The following CEP128 variants were observed in gnomAD, a reference collection of about 807,000 sequenced individuals.
CEP128 encodes the protein centrosomal protein 128kDa.
CEP128 carries 132 observed loss-of-function variants against 156.7 expected under a neutral mutation model. The observed-to-expected ratio is 0.84, with a 90% CI of 0.73 to 0.97. The LOEUF is 0.97. Ranked by LOEUF, CEP128 falls within the 50% of genes least tolerant of loss-of-function variation. The pLI, the probability that CEP128 is intolerant of heterozygous loss-of-function variation, is 0.00. For missense variants in CEP128, 1,252 were observed against 1,281.9 expected (o/e 0.98, Z 0.36); for synonymous variants, 469 against 448.9 (o/e 1.04, Z -0.57).
In CEP128 at chr14:80,793,278, C is replaced by A. The variant is rs572261124; in HGVS notation, c.1210-168G>T. Among the ~76,000 whole-genome samples the A allele has an allele frequency of 1.1e-4, 17 of 152,264 alleles. No homozygotes were observed. In the South Asian group the frequency reaches 3.3e-3, roughly 30 times the overall value. ...GAGTCTTTTTCTTTGTATTTTATAA[C>A]CACATTAGTTGGGAATAATTTTTTA... On this transcript the variant is annotated intron_variant, in intron 13 of 24. Coordinates refer to ENST00000555265, the MANE Select transcript of CEP128 (RefSeq NM_152446.5).
chr14:80,766,700 A>G (rs1176019671), intron 16 of CEP128, among the ~76,000 whole-genome samples: 1 of 152,172 alleles, frequency 6.6e-6, no homozygotes, highest in Non-Finnish European at 1.5e-5. Context: ...ATGACTAAAT[A>G]AATCATTAAT....
intron 2 of CEP128, among the ~76,000 whole-genome samples, chr14:80,925,867 C>T (rs897670473): frequency 2.6e-5 from 4 of 152,106 alleles, no homozygotes; most frequent in African/African-American, 9.7e-5. Flanking sequence ...ACTGGGGAGC[C>T]GAGCAATCCA....
At chr14:80,793,162 T>C in intron 13 of CEP128, 52 bp from the exon 14 acceptor site, 1 of 1,389,294 alleles carries the variant, frequency 7.2e-7, no homozygotes, top group East Asian at 2.3e-5. Context: ...CAAAATTGGA[T>C]GTGTAGCATA....
chr14:80,575,439 C>T (rs1891315164), intron 20 of CEP128, among the ~76,000 whole-genome samples: 1 of 151,946 alleles, frequency 6.6e-6, no homozygotes, highest in Non-Finnish European at 1.5e-5. Flanking sequence ...TGGCCAAAGA[C>T]ATAATACTAC....
chr14:80,677,508 C>A (rs1278491160), intron 19 of CEP128, among the ~76,000 whole-genome samples: 108 of 93,994 alleles, frequency 1.1e-3, no homozygotes, highest in East Asian at 1.8e-3. Flanking sequence ...GACTCCGTCT[C>A]AAAAAAAAAA....
intron 21 of CEP128, among the ~76,000 whole-genome samples, chr14:80,558,024 T>C (rs8009045): frequency 0.57 from 86,278 of 151,840 alleles, 24,872 homozygotes; most frequent in East Asian, 0.72. Flanking sequence ...CTGTTTATGG[T>C]TGCATAGTAT....
At chr14:80,618,563 T>C (rs954668855) in intron 19 of CEP128, among the ~76,000 whole-genome samples, 2 of 152,214 alleles carry the variant, frequency 1.3e-5, no homozygotes, top group Non-Finnish European at 2.9e-5. Context: ...AAACAAGTTA[T>C]TGCTGCAGTA....
chr14:80,515,310 T>C (rs1030172739), intron 23 of CEP128, among the ~76,000 whole-genome samples: 12 of 152,102 alleles, frequency 7.9e-5, no homozygotes, highest in African/African-American at 2.7e-4. Flanking sequence ...CCAGGGCAGA[T>C]CCAGAAATGC....
chr14:80,678,413 CTTGT>C (rs1359155097), intron 19 of CEP128, among the ~76,000 whole-genome samples: 1 of 150,250 alleles, frequency 6.7e-6, no homozygotes, highest in African/African-American at 2.4e-5. Flanking sequence ...TAAACAATTA[CTTGT>C]TTGGTTTTCT....
chr14:80,906,269 T>C (rs907950481), intron 4 of CEP128, among the ~76,000 whole-genome samples, 188 bp from the exon 5 acceptor site: 1 of 152,204 alleles, frequency 6.6e-6, no homozygotes, highest in African/African-American at 2.4e-5. Context: ...TAAGAACCAA[T>C]GCTAAAATCT....
chr14:80,566,559 A>C (rs954404779), intron 20 of CEP128, among the ~76,000 whole-genome samples: 1 of 152,222 alleles, frequency 6.6e-6, no homozygotes, highest in African/African-American at 2.4e-5. Context: ...AACATCAAAA[A>C]AAGCTTTAAA....
intron 2 of CEP128, among the ~76,000 whole-genome samples, chr14:80,938,214 T>G (rs1885930737): frequency 6.6e-6 from 1 of 150,852 alleles, no homozygotes; most frequent in Non-Finnish European, 1.5e-5. Context: ...ATAAATTTTG[T>G]ACACCACTGA....
chr14:80,808,712 T>C (rs1180736464), intron 13 of CEP128, among the ~76,000 whole-genome samples: 1 of 152,052 alleles, frequency 6.6e-6, no homozygotes, highest in East Asian at 1.9e-4. Context: ...CCTCCACTAA[T>C]AACTGTACCC....
intron 6 of CEP128, among the ~76,000 whole-genome samples, chr14:80,903,864 A>G (rs1302867243): frequency 6.6e-6 from 1 of 152,142 alleles, no homozygotes; most frequent in Admixed American, 6.5e-5. Flanking sequence ...CATGACATGA[A>G]GGAAAGGGAC....
At chr14:80,881,999 A>G (rs1002688649) in intron 8 of CEP128, among the ~76,000 whole-genome samples, 1 of 152,138 alleles carries the variant, frequency 6.6e-6, no homozygotes, top group African/African-American at 2.4e-5. Flanking sequence ...ACATAGCACT[A>G]GAAGTCCTAG....
rs327474 is a variant in CEP128, at chr14:80,772,276, C to G, written c.2376+5606G>C. On this transcript the variant is annotated intron_variant, in intron 16 of 24. Coordinates refer to ENST00000555265, the MANE Select transcript of CEP128 (RefSeq NM_152446.5). Reference sequence around the variant, plus strand: ...CTCCATGAGCAGAAAAGAAGATGAACAGAAGGGCAGAAGAATGGCAGAATG... The same window carrying G: ...CTCCATGAGCAGAAAAGAAGATGAAGAGAAGGGCAGAAGAATGGCAGAATG... Among the ~76,000 whole-genome samples, 1,385 of 152,114 alleles carry G rather than the reference C, an allele frequency of 9.1e-3. 24 individuals are homozygous for G. Among genetic ancestry groups the G allele is most frequent in the African/African-American group, 0.032 (1,321 of 41,494 alleles).
upstream of CEP128, among the ~76,000 whole-genome samples, chr14:80,945,181 G>C (rs988993862): frequency 6.6e-6 from 1 of 152,156 alleles, no homozygotes; most frequent in African/African-American, 2.4e-5. Context: ...GGCTTGCAGA[G>C]ATCCATCTTT....
At chr14:80,768,735 AG>A (rs1246577951) in intron 16 of CEP128, among the ~76,000 whole-genome samples, 3 of 152,198 alleles carry the variant, frequency 2.0e-5, no homozygotes, top group African/African-American at 7.2e-5. Flanking sequence ...GGCTTACAAA[AG>A]TTTGTTTCCA....
In CEP128 at chr14:80,530,824, ATCT is replaced by A; in HGVS notation, c.2940_2942del (p.Glu980del). 3.1e-6 allele frequency: 5 copies of A among 1,604,264 alleles called. No individual in the cohort carries two copies. The South Asian group carries it at 4.5e-5, about 14-fold the overall frequency. On this transcript the variant is annotated inframe_deletion, in exon 22 of 25. Transcript: ENST00000555265. ...TCTTTCTCACTCTGAAGTCTTTGAAATCTTCTAGTAGGCTCAGTTTCTCAGGCA... is the reference window on the plus strand; with the variant it reads ...TCTTTCTCACTCTGAAGTCTTTGAAATCTAGTAGGCTCAGTTTCTCAGGCA...
Sources: gnomAD v4.1 joint callset for allele counts (sites outside exome capture counted in the v4.1 genomes callset) on GRCh38, gnomAD v4.1.1 for gene constraint, MANE v1.5 for transcripts, NCBI Gene and HGNC (gene_info 2026-07-23, HGNC 2026-07-21) for gene names.